NPAS3: variants seen among roughly 807,000 people sequenced by gnomAD.
The protein encoded by NPAS3 is neuronal PAS domain-containing protein 3.
NPAS3 carries 14 observed loss-of-function variants against 73.1 expected under a neutral mutation model. The observed-to-expected ratio is 0.19, with a 90% CI of 0.13 to 0.30. NPAS3 has a LOEUF of 0.30. Ranked by LOEUF, NPAS3 falls within the 10% of genes least tolerant of loss-of-function variation. The pLI, the probability that NPAS3 is intolerant of heterozygous loss-of-function variation, is 1.00. For missense variants in NPAS3, 1,096 were observed against 1,250.0 expected (o/e 0.88, Z 1.86); for synonymous variants, 620 against 541.5 (o/e 1.14, Z -2.01).
At chr14:33,046,127 T>C (rs936215604) in intron 1 of NPAS3, among the ~76,000 whole-genome samples, 2 of 152,182 alleles carry the variant, frequency 1.3e-5, no homozygotes, top group African/African-American at 4.8e-5. Flanking sequence ...AGTCACGAGC[T>C]TGGTAAATCC....
exon 6 of NPAS3, chr14:33,676,345 C>T (rs2059765656): frequency 3.8e-6 from 6 of 1,598,646 alleles, no homozygotes; most frequent in Admixed American, 1.8e-5. Context: ...ACGGAGCCAG[C>T]TCAGCATCTT....
chr14:33,058,621 C>T (rs567629184), intron 2 of NPAS3, among the ~76,000 whole-genome samples: 11 of 152,224 alleles, frequency 7.2e-5, no homozygotes, highest in African/African-American at 2.6e-4. Flanking sequence ...GGATCAAGAT[C>T]CTAATTTTAA....
intron 1 of NPAS3, among the ~76,000 whole-genome samples, chr14:33,027,064 C>T (rs2039830531): frequency 6.6e-6 from 1 of 152,114 alleles, no homozygotes; most frequent in Non-Finnish European, 1.5e-5. Flanking sequence ...GTATCATTTT[C>T]TCCAGTTGAC....
At chr14:33,271,002 T>G (rs2041050286) in intron 3 of NPAS3, among the ~76,000 whole-genome samples, 1 of 152,186 alleles carries the variant, frequency 6.6e-6, no homozygotes, top group African/African-American at 2.4e-5. Context: ...AGCATAGAAA[T>G]TTATTTGATC....
chr14:33,196,184 A>C (rs971100505), intron 2 of NPAS3, among the ~76,000 whole-genome samples: 2 of 152,196 alleles, frequency 1.3e-5, no homozygotes, highest in Admixed American at 6.5e-5. Context: ...CTTACATTGA[A>C]TAGCCTCCTA....
chr14:33,418,824 A>C (rs982471018), intron 4 of NPAS3, among the ~76,000 whole-genome samples: 9 of 151,870 alleles, frequency 5.9e-5, no homozygotes, highest in African/African-American at 2.2e-4. Flanking sequence ...GTTTCTTAAT[A>C]TGTTACCAGA....
chr14:33,546,882 G>A (rs2054870861), intron 4 of NPAS3, among the ~76,000 whole-genome samples: 1 of 152,162 alleles, frequency 6.6e-6, no homozygotes, highest in African/African-American at 2.4e-5. Flanking sequence ...TCTACGTCTA[G>A]TACATTAGGC....
intron 3 of NPAS3, among the ~76,000 whole-genome samples, chr14:33,325,910 T>G (rs2043683998): frequency 6.6e-6 from 1 of 152,090 alleles, no homozygotes; most frequent in South Asian, 2.1e-4. Flanking sequence ...AAAGTATAGT[T>G]ATATTAGTGT....
At chr14:33,207,192 A>T (rs2046852113) in intron 2 of NPAS3, among the ~76,000 whole-genome samples, 1 of 151,820 alleles carries the variant, frequency 6.6e-6, no homozygotes, top group Non-Finnish European at 1.5e-5. Context: ...ATACAGATTA[A>T]GATCTGGATG....
chr14:33,389,893 A>G (rs770061899), intron 4 of NPAS3, among the ~76,000 whole-genome samples: 3 of 152,150 alleles, frequency 2.0e-5, no homozygotes, highest in Non-Finnish European at 4.4e-5. Context: ...TGAACATTAA[A>G]TATTACCTTG....
chr14:33,023,469 T>C (rs1430838754), intron 1 of NPAS3, among the ~76,000 whole-genome samples: 1 of 152,194 alleles, frequency 6.6e-6, no homozygotes, highest in African/African-American at 2.4e-5. Flanking sequence ...TTTTCATACA[T>C]GTGTTGATGC....
intron 6 of NPAS3, among the ~76,000 whole-genome samples, chr14:33,714,034 T>C (rs1468361791): frequency 4.6e-5 from 7 of 152,140 alleles, no homozygotes; most frequent in Non-Finnish European, 8.8e-5. Flanking sequence ...AAGTCTGTAA[T>C]CAGATGCCCC....
intron 2 of NPAS3, among the ~76,000 whole-genome samples, chr14:33,148,750 G>A (rs1159084993): frequency 6.6e-6 from 1 of 152,092 alleles, no homozygotes; most frequent in Non-Finnish European, 1.5e-5. Context: ...ATAGTGGCGT[G>A]ATCAAAGCTC....
chr14:33,500,810 A>G (rs2052474888), intron 4 of NPAS3, among the ~76,000 whole-genome samples: 1 of 151,992 alleles, frequency 6.6e-6, no homozygotes, highest in East Asian at 1.9e-4. Context: ...TTTAAGTGCA[A>G]TCCAAACTAG....
chr14:33,263,247 T>G (rs1297450583), intron 3 of NPAS3, among the ~76,000 whole-genome samples: 1 of 152,158 alleles, frequency 6.6e-6, no homozygotes, highest in Non-Finnish European at 1.5e-5. Flanking sequence ...GTTTTTATGG[T>G]TTTAGGTCTA....
At chr14:33,295,225 A>G (rs1340052784) in intron 3 of NPAS3, among the ~76,000 whole-genome samples, 1 of 152,244 alleles carries the variant, frequency 6.6e-6, no homozygotes, top group Non-Finnish European at 1.5e-5. Flanking sequence ...AGCCTACGAT[A>G]AAGTCATGCT....
At chr14:32,991,233 G>A (rs1239481437) in intron 1 of NPAS3, among the ~76,000 whole-genome samples, 1 of 151,798 alleles carries the variant, frequency 6.6e-6, no homozygotes, top group Non-Finnish European at 1.5e-5. Context: ...TCCCCAGAAA[G>A]CCTTTCTAGG....
intron 4 of NPAS3, among the ~76,000 whole-genome samples, chr14:33,516,334 T>C (rs1022582672): frequency 1.3e-5 from 2 of 152,170 alleles, no homozygotes; most frequent in African/African-American, 4.8e-5. Flanking sequence ...GGGAGGCTTT[T>C]AGATTTAAAA....
chr14:33,768,386 G>A (rs1371560737), intron 7 of NPAS3, among the ~76,000 whole-genome samples: 5 of 152,190 alleles, frequency 3.3e-5, no homozygotes, highest in African/African-American at 1.2e-4. Context: ...ACCAGATTAA[G>A]ATGAACTTTT....
Sources: allele counts gnomAD v4.1 joint callset (sites outside exome capture counted in the v4.1 genomes callset), GRCh38; gene constraint gnomAD v4.1.1; transcripts MANE v1.5; gene names NCBI Gene and HGNC (gene_info 2026-07-23, HGNC 2026-07-21).